The following ATP7B variants were observed in gnomAD, a reference collection of about 807,000 sequenced individuals.
The protein encoded by ATP7B is ATPase copper transporting beta.
ATP7B carries 113 observed loss-of-function variants against 118.9 expected under a neutral mutation model. That is an observed-to-expected ratio of 0.95 (90% CI 0.82 to 1.11). ATP7B has a LOEUF of 1.11. Ranked by LOEUF, ATP7B falls within the 50% of genes most tolerant of loss-of-function variation. The probability of loss-of-function intolerance (pLI) is 0.00; values close to 1 mark genes in which losing one functional copy is unlikely to be tolerated. For synonymous variants in ATP7B, 777 were observed against 727.4 expected (o/e 1.07, Z -1.10); for missense variants, 1,867 against 1,871.4 (o/e 1.00, Z 0.04).
At chr13:51,938,843 C>A (rs1325400370) in intron 17 of ATP7B, among the ~76,000 whole-genome samples, 1 of 152,196 alleles carries the variant, frequency 6.6e-6, no homozygotes, top group Non-Finnish European at 1.5e-5. Context: ...GATGCATGCG[C>A]CCAAGCTCCA....
At position 51,939,137 on chromosome 13, in the gene ATP7B, C is replaced by A; in HGVS notation, c.3613G>T (p.Ala1205Ser). Residue 1205 changes from alanine to serine, a missense_variant, in exon 17 of 21, where the codon GCT (alanine) becomes TCT (serine). Coordinates refer to ENST00000242839, the MANE Select transcript of ATP7B (RefSeq NM_000053.4). The stretch of plus-strand genomic sequence containing the variant: ...CCCATGCTCTGCAGCGTGTGCACAG[C>A]CAGGGCAGCCTCCTGCTTGACAGCG... ...ADAVKQEAAL[A>S]VHTLQSMGVD... The A allele has an allele frequency of 6.2e-7, 1 of 1,614,230 alleles. No individual in the cohort carries two copies. The highest frequency in any genetic ancestry group is 8.5e-7 in the Non-Finnish European group (1 of 1,180,036).
intron 1 of ATP7B, among the ~76,000 whole-genome samples, chr13:51,985,521 TAAC>T (rs1171155807): frequency 1.3e-5 from 2 of 152,080 alleles, no homozygotes; most frequent in Admixed American, 6.6e-5. Context: ...GGCAGAAAAT[TAAC>T]AACGATATTC....
intron 1 of ATP7B, among the ~76,000 whole-genome samples, chr13:52,004,772 T>C (rs1163827956): frequency 6.6e-6 from 1 of 152,188 alleles, no homozygotes; most frequent in Non-Finnish European, 1.5e-5. Context: ...AATTCATGAC[T>C]GATGGTACTG....
rs1209405638 is a variant in ATP7B, at chr13:51,941,260, C to A, written c.3413-36G>T. 7 of 1,611,310 alleles carry A rather than the reference C, an allele frequency of 4.3e-6. No homozygotes were observed. In the South Asian group the frequency reaches 7.7e-5, roughly 18 times the overall value. On this transcript the variant is annotated intron_variant, in intron 15 of 20. Coordinates refer to ENST00000242839, the MANE Select transcript of ATP7B (RefSeq NM_000053.4). ...GAGGCTGTGGTTATTTCTAAATGGT[C>A]CAATTTCACTGTGAACTAAAAACCA...
Position 51,975,140 on chromosome 13 carries a change from C to G in ATP7B, c.80G>C (p.Arg27Pro). The change falls in exon 2 of 21, where the codon CGT becomes CCT. Residue 27 changes from arginine (R) to proline (P), a missense_variant. By Grantham distance (103) the Arg-to-Pro change is moderately radical. Coordinates refer to ENST00000242839, the MANE Select transcript of ATP7B (RefSeq NM_000053.4). ...KILSKLSLPTRAWEPAMKKSF... is the reference protein window; with the variant it reads ...KILSKLSLPTPAWEPAMKKSF... Reference sequence around the variant, plus strand: ...CTTCTTCATTGCTGGTTCCCAGGCACGGGTAGGCAAAGAAAGCTTAGATAA... The same window carrying G: ...CTTCTTCATTGCTGGTTCCCAGGCAGGGGTAGGCAAAGAAAGCTTAGATAA... The G allele has an allele frequency of 6.2e-7, 1 of 1,614,106 alleles. No homozygotes were observed.
chr13:51,987,084 G>A (rs1009191323), intron 1 of ATP7B, among the ~76,000 whole-genome samples: 1 of 152,178 alleles, frequency 6.6e-6, no homozygotes, highest in Non-Finnish European at 1.5e-5. Flanking sequence ...TCAGGCAAGA[G>A]AAAGAAATAA....
At chr13:51,946,607 G>A in intron 12 of ATP7B, 129 bp from the exon 13 acceptor site, 1 of 1,002,806 alleles carries the variant, frequency 1.0e-6, no homozygotes, top group East Asian at 2.6e-5. Context: ...GGAAACAGAT[G>A]GTATTCCACA....
At chr13:51,983,828 TAGA>T (rs1952532572) in intron 1 of ATP7B, among the ~76,000 whole-genome samples, 1 of 152,042 alleles carries the variant, frequency 6.6e-6, no homozygotes, top group Non-Finnish European at 1.5e-5. Flanking sequence ...ACCTGACTGT[TAGA>T]AGGAAAACTA....
At chr13:51,936,258 G>A (rs1276504272) in intron 19 of ATP7B, among the ~76,000 whole-genome samples, 1 of 152,130 alleles carries the variant, frequency 6.6e-6, no homozygotes, top group East Asian at 1.9e-4. Context: ...CCGGCTCTGG[G>A]GACAAGAAGT....
In ATP7B at chr13:51,949,712, A is replaced by G; in HGVS notation, c.2815T>C (p.Trp939Arg). 1 of 1,614,186 alleles carries G rather than the reference A, an allele frequency of 6.2e-7. No homozygotes were observed. Among genetic ancestry groups the G allele is most frequent in the Non-Finnish European group, 8.5e-7 (1 of 1,180,040 alleles). ...IIMSTLTLVV[W>R]IVIGFIDFGV... ...AAATCGATAAAACCGATTACAATCCATACCACCAACGTCAAAGTTGACATG... is the reference window on the plus strand; with the variant it reads ...AAATCGATAAAACCGATTACAATCCGTACCACCAACGTCAAAGTTGACATG... The change falls in exon 12 of 21, where the codon TGG (tryptophan) becomes CGG (arginine). Residue 939 changes from tryptophan to arginine, a missense_variant. Physicochemically the swap from Trp to Arg is moderately radical, Grantham distance 101. Transcript: ENST00000242839.
chr13:51,989,665 TC>T (rs1952820771), intron 1 of ATP7B, among the ~76,000 whole-genome samples: 1 of 152,212 alleles, frequency 6.6e-6, no homozygotes. Flanking sequence ...GGGTATCGTC[TC>T]CAAGGAGCAC....
At chr13:51,998,833 C>T (rs1033650397) in intron 1 of ATP7B, among the ~76,000 whole-genome samples, 3 of 152,156 alleles carry the variant, frequency 2.0e-5, no homozygotes, top group African/African-American at 4.8e-5. Context: ...GGAGGAGGGA[C>T]ATCTGGTTAA....
intron 19 of ATP7B, among the ~76,000 whole-genome samples, chr13:51,936,520 A>G (rs1451599893): frequency 6.6e-6 from 1 of 151,808 alleles, no homozygotes; most frequent in African/African-American, 2.4e-5. Flanking sequence ...AGAAAAATCT[A>G]TTTCTTTTCT....
At chr13:51,937,765 C>T in intron 17 of ATP7B, 86 bp from the exon 18 acceptor site, 1 of 1,490,978 alleles carries the variant, frequency 6.7e-7, no homozygotes, top group Non-Finnish European at 9.2e-7. Flanking sequence ...CCCCCTCTGC[C>T]CTCGGCCTCT....
Position 51,974,757 on chromosome 13 carries a change from G to A in ATP7B, c.463C>T (p.Gln155Ter). Residue 155 changes from glutamine (Q) to a stop codon, truncating the protein, a stop_gained, in exon 2 of 21, where the codon CAG (glutamine) becomes TAG (stop). Coordinates refer to ENST00000242839, the MANE Select transcript of ATP7B (RefSeq NM_000053.4). LOFTEE classifies it high-confidence loss of function. Reference protein sequence around the residue: ...VKLRVEGMTCQSCVSSIEGKV... With the variant: ...VKLRVEGMTC Reference sequence around the variant, plus strand: ...CCTTCAATGGAGCTGACACAGGACTGGCAGGTCATGCCCTCCACCCGGAGC... The same window carrying A: ...CCTTCAATGGAGCTGACACAGGACTAGCAGGTCATGCCCTCCACCCGGAGC... 1.2e-6 allele frequency: 2 copies of A among 1,614,160 alleles called. No homozygotes were observed. The highest frequency in any genetic ancestry group is 8.5e-7 in the Non-Finnish European group (1 of 1,180,018).
At chr13:51,984,344 A>T (rs1952553578) in intron 1 of ATP7B, among the ~76,000 whole-genome samples, 1 of 152,190 alleles carries the variant, frequency 6.6e-6, no homozygotes, top group Non-Finnish European at 1.5e-5. Flanking sequence ...AATGAAATAA[A>T]GCGTGAAGAC....
chr13:51,970,617 TC>T lies in ATP7B; in HGVS notation c.1417del (p.Asp473ThrfsTer25). On this transcript the variant is annotated frameshift_variant, in exon 3 of 21. Transcript: ENST00000242839. LOFTEE classifies it high-confidence loss of function. ...TGRLPANHAP[D>X]ILAKSPQSTR... ...TGATTGTGGGGACTTTGCCAAGATG[TC>T]CGGGGCATGGTTTGCAGGGAGCCTC... is the stretch of plus-strand genomic sequence containing the variant. 1 of 1,614,150 alleles carries T rather than the reference TC, an allele frequency of 6.2e-7. No individual in the cohort carries two copies. The highest frequency in any genetic ancestry group is 8.5e-7 in the Non-Finnish European group (1 of 1,180,034).
At position 51,934,637 on chromosome 13, in the gene ATP7B, C is replaced by T. The variant is rs184218772; in HGVS notation, c.*119G>A. The T allele has an allele frequency of 4.0e-6, 6 of 1,485,792 alleles. No homozygotes were observed. In the African/African-American group the frequency reaches 8.3e-5, roughly 21 times the overall value. 92.0% of individuals were successfully genotyped at this position (1,485,792 alleles called of 1,614,324 possible). On this transcript the variant is annotated 3_prime_UTR_variant, in exon 21 of 21. Coordinates refer to ENST00000242839, the MANE Select transcript of ATP7B (RefSeq NM_000053.4). ...TGCAGGGCAGGATGACTGGACATAT[C>T]CAGGGAGCGGAAGTCCCCAAAGCTG...
chr13:51,973,560 G>C (rs1180992383), intron 2 of ATP7B, among the ~76,000 whole-genome samples: 2 of 152,202 alleles, frequency 1.3e-5, no homozygotes, highest in African/African-American at 4.8e-5. Context: ...CCTGCCATGT[G>C]ATGCCCTGTG....
Sources: allele counts gnomAD v4.1 joint callset (sites outside exome capture counted in the v4.1 genomes callset), GRCh38; gene constraint gnomAD v4.1.1; transcripts MANE v1.5; gene names NCBI Gene and HGNC (gene_info 2026-07-23, HGNC 2026-07-21).